Variants in RUVBL2 observed in about 807,000 individuals in gnomAD.
The protein encoded by RUVBL2 is ruvB-like 2.
A neutral mutation model predicts 57.9 loss-of-function variants in RUVBL2; 9 were observed. That is an observed-to-expected ratio of 0.16 (90% confidence interval 0.09 to 0.27). The LOEUF is 0.27. RUVBL2 is among the 10% of genes least tolerant of loss of function. The pLI, the probability that RUVBL2 is intolerant of heterozygous loss-of-function variation, is 1.00. For synonymous variants in RUVBL2, 278 were observed against 264.6 expected (o/e 1.05, Z -0.49); for missense variants, 456 against 669.6 (o/e 0.68, Z 3.52).
At chr19:48,993,756 G>A (rs1037453430), upstream of RUVBL2, 1 of 939,676 alleles carries the variant, frequency 1.1e-6, no homozygotes, top group African/African-American at 1.6e-5. Context: ...CTCGGTGGGA[G>A]GGCGGGGCAT....
At chr19:49,012,067 C>T (rs1568642038) in intron 11 of RUVBL2, among the ~76,000 whole-genome samples, 1 of 152,188 alleles carries the variant, frequency 6.6e-6, no homozygotes. Flanking sequence ...CTGTGATCCA[C>T]AGGCTGCACC....
chr19:49,010,983 C>T lies in RUVBL2; in HGVS notation c.788-16C>T. Reference sequence around the variant, plus strand: ...CTCCTCTCTGGCTTCCCTGATGCAACCTGTGCCTCCCATAGGTGACACAGG... The same window carrying T: ...CTCCTCTCTGGCTTCCCTGATGCAATCTGTGCCTCCCATAGGTGACACAGG... On this transcript the variant is annotated splice_polypyrimidine_tract_variant and intron_variant, in intron 9 of 14. Transcript: ENST00000595090. 6.2e-7 allele frequency: 1 copy of T among 1,606,284 alleles called. No individual in the cohort carries two copies.
Position 49,015,833 on chromosome 19 carries a change from C to T in RUVBL2, c.1383C>T (p.Asp461=), listed in dbSNP as rs1371518176. 3 of 1,614,084 alleles carry T rather than the reference C, an allele frequency of 1.9e-6. No homozygotes were observed. The East Asian group carries it at 6.7e-5, about 36-fold the overall frequency. ...TCCCCACAGAAGGCGAGACCATGGA[C>T]ACCTCCTGAGTTGGATGTCATCCCC... is the stretch of plus-strand genomic sequence containing the variant. ...LFNELKGETM[D]TS The change falls in exon 15 of 15, where the codon GAC becomes GAT. Residue 461 remains aspartate, a synonymous_variant. Coordinates refer to ENST00000595090, the MANE Select transcript of RUVBL2 (RefSeq NM_006666.3).
chr19:49,004,099 G>C (rs2039235967), intron 3 of RUVBL2, 178 bp from the exon 4 acceptor site: 2 of 780,568 alleles, frequency 2.6e-6, no homozygotes. Context: ...CTGGGTGACA[G>C]AGCGAGATCT....
At chr19:48,994,226 T>G in intron 1 of RUVBL2, 1 of 501,504 alleles carries the variant, frequency 2.0e-6, no homozygotes, top group South Asian at 2.3e-5. Context: ...TCCGCAGTCC[T>G]TGGCGCCAGT....
chr19:49,002,946 G>A (rs1312909151), intron 2 of RUVBL2, among the ~76,000 whole-genome samples: 1 of 152,208 alleles, frequency 6.6e-6, no homozygotes, highest in Non-Finnish European at 1.5e-5. Context: ...TGGGTGCTGT[G>A]TAAACCATAA....
chr19:49,006,547 G>A lies in RUVBL2; in HGVS notation c.266-471G>A, dbSNP rs576009559. Among the ~76,000 whole-genome samples the A allele has an allele frequency of 3.9e-5, 6 of 152,348 alleles. No homozygotes were observed. In the South Asian group the frequency reaches 1.2e-3, roughly 32 times the overall value. ...ACAGAGGGGGAGACTGAGGCTCAGGGAGCAGTTCAGATCGCTCAAGATCCC... is the reference window on the plus strand; with the variant it reads ...ACAGAGGGGGAGACTGAGGCTCAGGAAGCAGTTCAGATCGCTCAAGATCCC... On this transcript the variant is annotated intron_variant, in intron 4 of 14. Transcript: ENST00000595090.
chr19:49,015,434 C>T (rs771003634), intron 13 of RUVBL2, 138 bp from the exon 14 acceptor site: 37 of 772,356 alleles, frequency 4.8e-5, no homozygotes, highest in Non-Finnish European at 7.6e-5. Context: ...GGATTTGAAC[C>T]CAGGCAATCT....
At chr19:49,000,098 AC>A (rs2039148811) in intron 2 of RUVBL2, among the ~76,000 whole-genome samples, 1 of 152,216 alleles carries the variant, frequency 6.6e-6, no homozygotes, top group Non-Finnish European at 1.5e-5. Flanking sequence ...TAGCTCTGCC[AC>A]TTTCCCACCA....
At chr19:48,993,999 G>A (rs895462856) in intron 1 of RUVBL2, 76 bp downstream of exon 1, 1 of 1,574,872 alleles carries the variant, frequency 6.3e-7, no homozygotes. Context: ...TGGAGGCCCT[G>A]ACTCCTGGGT....
intron 11 of RUVBL2, among the ~76,000 whole-genome samples, chr19:49,013,062 C>G (rs769068996): frequency 2.0e-5 from 3 of 152,226 alleles, no homozygotes; most frequent in Non-Finnish European, 4.4e-5. Context: ...CTTCTGGGTT[C>G]AAGCAGTTTT....
At chr19:48,996,002 A>G (rs2039051234) in intron 1 of RUVBL2, among the ~76,000 whole-genome samples, 1 of 146,762 alleles carries the variant, frequency 6.8e-6, no homozygotes, top group African/African-American at 2.7e-5. Context: ...AAAAAAAAAA[A>G]GAAAAGAAAA....
chr19:49,008,461 C>T (rs965632839), intron 6 of RUVBL2, among the ~76,000 whole-genome samples: 1 of 150,176 alleles, frequency 6.7e-6, no homozygotes, highest in African/African-American at 2.4e-5. Context: ...ATCTCCTGAC[C>T]TTGTGATCTG....
intron 3 of RUVBL2, 159 bp from the exon 4 acceptor site, chr19:49,004,115 CAAA>C (rs74182026): frequency 0.031 from 8,603 of 279,152 alleles, no homozygotes; most frequent in East Asian, 0.055. Context: ...GATCTTGTCT[CAAA>C]AAAAAAAAAA....
chr19:49,010,319 T>C (rs908942902), intron 8 of RUVBL2, 169 bp from the exon 9 acceptor site: 2 of 727,952 alleles, frequency 2.7e-6, no homozygotes, highest in Admixed American at 2.7e-5. Context: ...CTCTGGAATG[T>C]CCCTAGTCCT....
At chr19:49,010,162 G>C (rs778377931) in intron 8 of RUVBL2, 96 bp downstream of exon 8, 7 of 1,147,914 alleles carry the variant, frequency 6.1e-6, no homozygotes, top group Non-Finnish European at 8.9e-6. Flanking sequence ...GGATCTTCCT[G>C]TTACCCTGAC....
chr19:49,015,440 A>C, intron 13 of RUVBL2, 132 bp from the exon 14 acceptor site: 2 of 788,808 alleles, frequency 2.5e-6, no homozygotes, highest in Admixed American at 4.1e-5. Flanking sequence ...GAACCCAGGC[A>C]ATCTGGCCCA....
chr19:49,003,147 C>G, intron 2 of RUVBL2, 132 bp from the exon 3 acceptor site: 1 of 792,638 alleles, frequency 1.3e-6, no homozygotes, highest in Non-Finnish European at 2.2e-6. Context: ...TGTGCCCCTT[C>G]ATTCCCCCAA....
At chr19:48,994,067 G>A in intron 1 of RUVBL2, 144 bp downstream of exon 1, 2 of 797,256 alleles carry the variant, frequency 2.5e-6, no homozygotes, top group South Asian at 1.8e-5. Context: ...GAGGAAGCTC[G>A]GCCACCCAGA....
Sources: gnomAD v4.1 joint callset for allele counts (sites outside exome capture counted in the v4.1 genomes callset) on GRCh38, gnomAD v4.1.1 for gene constraint, MANE v1.5 for transcripts, NCBI Gene and HGNC (gene_info 2026-07-23, HGNC 2026-07-21) for gene names.